Variants in LRRC4C observed in about 807,000 individuals in gnomAD.
LRRC4C encodes the protein leucine rich repeat containing 4C, also known as leucine-rich repeat-containing protein 4C.
In LRRC4C, 5 loss-of-function variants were observed where a neutral mutation model predicts 33.6. That is an observed-to-expected ratio of 0.15 (90% CI 0.08 to 0.31). The LOEUF is 0.31. Ranked by LOEUF, LRRC4C falls within the 10% of genes least tolerant of loss-of-function variation. The probability of loss-of-function intolerance (pLI) is 1.00; values close to 1 mark genes in which losing one functional copy is unlikely to be tolerated. For synonymous variants in LRRC4C, 329 were observed against 302.0 expected (o/e 1.09, Z -0.93); for missense variants, 560 against 796.7 (o/e 0.70, Z 3.58).
chr11:41,190,602 T>C (rs117345546), intron 1 of LRRC4C, among the ~76,000 whole-genome samples: 2 of 152,300 alleles, frequency 1.3e-5, no homozygotes, highest in East Asian at 1.9e-4. Context: ...TCCTCACCAA[T>C]GCGGATGCAT....
At chr11:40,486,154 TA>T (rs11415781) in intron 3 of LRRC4C, among the ~76,000 whole-genome samples, 528 of 133,390 alleles carry the variant, frequency 4.0e-3, no homozygotes, top group Middle Eastern at 0.02. Context: ...GACAAAAGTT[TA>T]AAAAAAAAAA....
chr11:40,782,100 G>A (rs1485282848), intron 2 of LRRC4C, among the ~76,000 whole-genome samples: 2 of 152,084 alleles, frequency 1.3e-5, no homozygotes, highest in Non-Finnish European at 2.9e-5. Flanking sequence ...GGGCATTACT[G>A]ATTTTGCTTC....
At chr11:40,914,499 C>T (rs36158899) in intron 2 of LRRC4C, among the ~76,000 whole-genome samples, 1 of 152,192 alleles carries the variant, frequency 6.6e-6, no homozygotes, top group South Asian at 2.1e-4. Context: ...ATTCGACAAC[C>T]CTTCATGCTA....
chr11:40,849,775 A>G (rs1242170530), intron 2 of LRRC4C, among the ~76,000 whole-genome samples: 2 of 151,992 alleles, frequency 1.3e-5, no homozygotes, highest in African/African-American at 2.4e-5. Context: ...AGGTATACCA[A>G]TCAAACATAG....
At chr11:40,812,026 T>C (rs1194792347) in intron 2 of LRRC4C, among the ~76,000 whole-genome samples, 8 of 152,232 alleles carry the variant, frequency 5.3e-5, no homozygotes, top group Non-Finnish European at 1.5e-5. Flanking sequence ...CTTTTCCCTA[T>C]TATTTCACTT....
intron 1 of LRRC4C, among the ~76,000 whole-genome samples, chr11:41,055,403 G>A (rs1858546836): frequency 6.6e-6 from 1 of 152,140 alleles, no homozygotes; most frequent in Non-Finnish European, 1.5e-5. Context: ...CAGCCTTAGT[G>A]GAGTCTGCCA....
intron 3 of LRRC4C, among the ~76,000 whole-genome samples, chr11:40,431,394 CAA>C (rs572317927): frequency 3.2e-5 from 4 of 125,380 alleles, no homozygotes; most frequent in Admixed American, 8.3e-5. Context: ...GACTCTGTCT[CAA>C]AAAAAAAAAA....
At chr11:41,182,803 C>A (rs1945510195) in intron 1 of LRRC4C, among the ~76,000 whole-genome samples, 2 of 150,490 alleles carry the variant, frequency 1.3e-5, no homozygotes, top group African/African-American at 4.9e-5. Context: ...CTATATTAGT[C>A]TGTTTTCACA....
intron 1 of LRRC4C, among the ~76,000 whole-genome samples, chr11:41,357,199 T>G (rs1026455678): frequency 6.6e-6 from 1 of 151,942 alleles, no homozygotes; most frequent in Admixed American, 6.6e-5. Flanking sequence ...ATCCCAAGAG[T>G]AATAAACTGG....
At chr11:40,457,282 AG>A (rs1448747958) in intron 3 of LRRC4C, among the ~76,000 whole-genome samples, 2 of 152,206 alleles carry the variant, frequency 1.3e-5, no homozygotes, top group Admixed American at 1.3e-4. Flanking sequence ...TTAAGAAGAA[AG>A]TATACCCATC....
At chr11:41,129,051 T>C (rs1942888484) in intron 1 of LRRC4C, among the ~76,000 whole-genome samples, 1 of 151,996 alleles carries the variant, frequency 6.6e-6, no homozygotes, top group East Asian at 1.9e-4. Flanking sequence ...AGATATTGCC[T>C]GACAAATGCT....
At chr11:41,440,924 T>C (rs1955597035) in intron 1 of LRRC4C, among the ~76,000 whole-genome samples, 2 of 152,168 alleles carry the variant, frequency 1.3e-5, no homozygotes, top group South Asian at 4.1e-4. Flanking sequence ...CTTTTCTTTA[T>C]AAATTACCCA....
intron 3 of LRRC4C, among the ~76,000 whole-genome samples, chr11:40,429,153 A>C (rs1383506915): frequency 6.6e-6 from 1 of 152,226 alleles, no homozygotes; most frequent in Non-Finnish European, 1.5e-5. Context: ...GGCATTGTGC[A>C]ACTTCCGCCT....
At chr11:40,722,112 G>C (rs1947049571) in intron 2 of LRRC4C, among the ~76,000 whole-genome samples, 1 of 152,162 alleles carries the variant, frequency 6.6e-6, no homozygotes, top group South Asian at 2.1e-4. Context: ...AAAATTGCTA[G>C]CGCTTCTATT....
intron 1 of LRRC4C, among the ~76,000 whole-genome samples, chr11:41,011,715 T>C (rs1417208437): frequency 6.6e-6 from 1 of 151,214 alleles, no homozygotes; most frequent in Non-Finnish European, 1.5e-5. Context: ...TAAGCCCGGG[T>C]TTCTATCTAG....
At chr11:41,017,368 T>C (rs1855661457) in intron 1 of LRRC4C, among the ~76,000 whole-genome samples, 1 of 152,198 alleles carries the variant, frequency 6.6e-6, no homozygotes, top group Non-Finnish European at 1.5e-5. Context: ...TTTTCACTTT[T>C]ACCTAAGGCA....
intron 2 of LRRC4C, among the ~76,000 whole-genome samples, chr11:40,734,300 T>C (rs1947747564): frequency 6.6e-6 from 1 of 152,178 alleles, no homozygotes; most frequent in Admixed American, 6.5e-5. Flanking sequence ...CAATATTGTA[T>C]AGAATGCTAA....
At position 40,722,243 on chromosome 11, in the gene LRRC4C, A is replaced by G. The variant is rs1423537864; in HGVS notation, c.-406-73965T>C. Among the ~76,000 whole-genome samples, 4 of 152,290 alleles carry G rather than the reference A, an allele frequency of 2.6e-5. No individual in the cohort carries two copies. In the East Asian group the frequency reaches 7.7e-4, roughly 29 times the overall value. On this transcript the variant is annotated intron_variant, in intron 2 of 6. Transcript: ENST00000528697. ...GACATATATTGCTTTTGAAATTTAAATAATAGTTTTATGGACTTGGAATGG... is the reference window on the plus strand; with the variant it reads ...GACATATATTGCTTTTGAAATTTAAGTAATAGTTTTATGGACTTGGAATGG...
At chr11:41,428,442 AT>A (rs912847833) in intron 1 of LRRC4C, among the ~76,000 whole-genome samples, 71 of 151,762 alleles carry the variant, frequency 4.7e-4, no homozygotes, top group African/African-American at 1.7e-3. Flanking sequence ...AAAAAAACGT[AT>A]TTTTTTTGTC....
Sources: allele counts gnomAD v4.1 joint callset (sites outside exome capture counted in the v4.1 genomes callset), GRCh38; gene constraint gnomAD v4.1.1; transcripts MANE v1.5; gene names NCBI Gene and HGNC (gene_info 2026-07-23, HGNC 2026-07-21).